NEBL: variants seen among roughly 807,000 people sequenced by gnomAD.
The protein encoded by NEBL is LIM and SH3 protein 2.
NEBL carries 122 observed loss-of-function variants against 140.2 expected under a neutral mutation model. The observed-to-expected ratio is 0.87, with a 90% CI of 0.75 to 1.01. The LOEUF is 1.01. Ranked by LOEUF, NEBL falls within the 50% of genes least tolerant of loss-of-function variation. The probability of loss-of-function intolerance (pLI) is 0.00; values close to 1 mark genes in which losing one functional copy is unlikely to be tolerated. For missense variants in NEBL, 1,365 were observed against 1,231.3 expected, an observed-to-expected ratio of 1.11 and a Z score of -1.62; for synonymous variants, 436 against 398.9, an observed-to-expected ratio of 1.09 and a Z score of -1.11.
chr10:21,043,300 A>G (rs552569853), intron 2 of NEBL, among the ~76,000 whole-genome samples: 1 of 152,286 alleles, frequency 6.6e-6, no homozygotes, highest in South Asian at 2.1e-4. Context: ...TTGTCATCCT[A>G]CAAAAAAACA....
At chr10:21,186,548 A>G (rs1841474821) in intron 3 of NEBL, among the ~76,000 whole-genome samples, 1 of 152,192 alleles carries the variant, frequency 6.6e-6, no homozygotes. Flanking sequence ...TATTCTTTAA[A>G]TCAAGCTTGT....
chr10:20,909,415 G>A (rs1848236802), intron 4 of NEBL, among the ~76,000 whole-genome samples: 1 of 151,792 alleles, frequency 6.6e-6, no homozygotes, highest in Non-Finnish European at 1.5e-5. Context: ...CTTTCTGGGT[G>A]GCACTCTTAA....
Position 20,818,881 on chromosome 10 carries a change from G to A in NEBL, c.2055+543C>T. 6 of 988,742 alleles carry A rather than the reference G, an allele frequency of 6.1e-6. No homozygotes were observed. The South Asian group carries it at 1.4e-4, about 23-fold the overall frequency. The allele number at this position is 988,742 out of a possible 1,614,324, so 61.2% of individuals were successfully genotyped here. On this transcript the variant is annotated intron_variant, in intron 20 of 27. Coordinates refer to ENST00000377122, the MANE Select transcript of NEBL (RefSeq NM_006393.3). ...AGGAACATCCAAAAATGCAGAGGGT[G>A]TAAAACTTTTCCTTTTTAAATTTTT...
At chr10:21,134,013 T>C (rs1589268567) in intron 2 of NEBL, among the ~76,000 whole-genome samples, 1 of 152,106 alleles carries the variant, frequency 6.6e-6, no homozygotes. Context: ...GATCACTGGA[T>C]GTCAGGAGTT....
At chr10:21,241,245 A>AAAATAAATAAATAAAT (rs372654187) in intron 3 of NEBL, among the ~76,000 whole-genome samples, 1 of 146,418 alleles carries the variant, frequency 6.8e-6, no homozygotes, top group African/African-American at 2.5e-5. Flanking sequence ...CGATGCCAGC[A>AAAATAAATAAATAAAT]AAATAAATAA....
At chr10:21,199,825 C>T (rs906232683) in intron 3 of NEBL, among the ~76,000 whole-genome samples, 1 of 152,166 alleles carries the variant, frequency 6.6e-6, no homozygotes, top group Admixed American at 6.6e-5. Context: ...TGACAACTGG[C>T]TGGAGGTTAT....
intron 2 of NEBL, among the ~76,000 whole-genome samples, chr10:21,053,628 A>C (rs982828159): frequency 2.6e-5 from 4 of 152,184 alleles, no homozygotes; most frequent in Non-Finnish European, 5.9e-5. Context: ...AATAATCCCC[A>C]AGAAGTTATG....
chr10:21,142,740 A>G (rs967415662), intron 2 of NEBL, among the ~76,000 whole-genome samples: 2 of 152,146 alleles, frequency 1.3e-5, no homozygotes, highest in African/African-American at 4.8e-5. Context: ...CGGTGGTATT[A>G]GAGTCTCACA....
intron 3 of NEBL, among the ~76,000 whole-genome samples, chr10:21,246,291 GC>G (rs1279185034): frequency 6.6e-6 from 1 of 152,198 alleles, no homozygotes; most frequent in African/African-American, 2.4e-5. Flanking sequence ...AAATGGTATA[GC>G]CCCTCTGGGC....
At chr10:21,266,134 A>C (rs1471203107) in intron 1 of NEBL, among the ~76,000 whole-genome samples, 1 of 150,258 alleles carries the variant, frequency 6.7e-6, no homozygotes, top group Non-Finnish European at 1.5e-5. Flanking sequence ...CTTTTTTGCT[A>C]GTTTCTTTTT....
At chr10:20,998,942 A>C (rs3885710) in intron 3 of NEBL, among the ~76,000 whole-genome samples, 128 of 152,136 alleles carry the variant, frequency 8.4e-4, no homozygotes, top group African/African-American at 2.8e-3. Context: ...CCGCCAACAA[A>C]ACAGGATCCG....
At chr10:21,074,873 A>G (rs912115323) in intron 2 of NEBL, among the ~76,000 whole-genome samples, 3 of 151,880 alleles carry the variant, frequency 2.0e-5, no homozygotes, top group African/African-American at 7.3e-5. Context: ...GCGAGATCTC[A>G]CCTCACTGCA....
At chr10:20,992,663 C>T (rs980476896) in intron 3 of NEBL, among the ~76,000 whole-genome samples, 6 of 152,096 alleles carry the variant, frequency 3.9e-5, no homozygotes, top group Non-Finnish European at 8.8e-5. Context: ...CTACCCTCGC[C>T]TTGAGCTGCC....
At chr10:21,126,847 C>G (rs1222393628) in intron 2 of NEBL, among the ~76,000 whole-genome samples, 1 of 151,762 alleles carries the variant, frequency 6.6e-6, no homozygotes, top group African/African-American at 2.4e-5. Context: ...TGGTGGTGCA[C>G]ACCTGTAATC....
At chr10:21,120,358 G>C (rs1339675886) in intron 2 of NEBL, among the ~76,000 whole-genome samples, 2 of 112,022 alleles carry the variant, frequency 1.8e-5, no homozygotes, top group African/African-American at 7.7e-5. Context: ...CTGGGCAACA[G>C]AGTGAGACTG....
intron 3 of NEBL, among the ~76,000 whole-genome samples, chr10:21,011,993 A>T (rs942036855): frequency 2.0e-5 from 3 of 152,360 alleles, no homozygotes; most frequent in Non-Finnish European, 4.4e-5. Context: ...CATGCTGCAG[A>T]GGCCCCAAGT....
chr10:21,186,542 C>T (rs1841474776), intron 3 of NEBL, among the ~76,000 whole-genome samples: 1 of 152,158 alleles, frequency 6.6e-6, no homozygotes, highest in South Asian at 2.1e-4. Flanking sequence ...CTCCTGTATT[C>T]TTTAAATCAA....
At chr10:21,102,309 T>C (rs537168571) in intron 2 of NEBL, among the ~76,000 whole-genome samples, 1 of 152,236 alleles carries the variant, frequency 6.6e-6, no homozygotes, top group South Asian at 2.1e-4. Context: ...ATATTTAGAG[T>C]GCACAACTTA....
At chr10:20,998,453 A>G (rs1490701105) in intron 3 of NEBL, among the ~76,000 whole-genome samples, 1 of 152,220 alleles carries the variant, frequency 6.6e-6, no homozygotes, top group Admixed American at 6.5e-5. Context: ...TCATTCATCT[A>G]GAATCTATGG....
Sources: gnomAD v4.1 joint callset for allele counts (sites outside exome capture counted in the v4.1 genomes callset) on GRCh38, gnomAD v4.1.1 for gene constraint, MANE v1.5 for transcripts, NCBI Gene and HGNC (gene_info 2026-07-23, HGNC 2026-07-21) for gene names.